The following ATP2B3 variants were observed in gnomAD, a reference collection of about 807,000 sequenced individuals.
The protein encoded by ATP2B3 is ATPase plasma membrane Ca2+ transporting 3, also known as plasma membrane calcium-transporting ATPase 3.
In ATP2B3, 12 loss-of-function variants were observed where a neutral mutation model predicts 70.8. The observed-to-expected ratio is 0.17, with a 90% CI of 0.11 to 0.27. The LOEUF (loss-of-function observed/expected upper bound fraction) is 0.27. ATP2B3 is among the 10% of genes least tolerant of loss of function. The pLI, the probability that ATP2B3 is intolerant of heterozygous loss-of-function variation, is 1.00. For missense variants in ATP2B3, 858 were observed against 1,118.5 expected, an observed-to-expected ratio of 0.77 and a Z score of 3.32; for synonymous variants, 460 against 497.8, an observed-to-expected ratio of 0.92 and a Z score of 1.01.
Position 153,542,500 on chromosome X carries a change from G to A in ATP2B3, c.790+52G>A, listed in dbSNP as rs782024260. ...GGCACCAAGGGGCGTCAGCAGCCGT[G>A]TGGCCCAGCATCCTGTCCAGGCTGC... On this transcript the variant is annotated intron_variant, in intron 6 of 21. Transcript: ENST00000263519. 1.4e-5 allele frequency: 17 copies of A among 1,190,858 alleles called. No homozygotes were observed. The African/African-American group carries it at 3.0e-4, about 21-fold the overall frequency.
rs189012896 is a variant in ATP2B3, at chrX:153,562,130, C to T, written c.3052-5C>T. The stretch of plus-strand genomic sequence containing the variant: ...ACCTGCCTCTCTCCCACTTGCCCTT[C>T]GCAGATTGTCATCGTCCAGTTTGGC... On this transcript the variant is annotated splice_region_variant and splice_polypyrimidine_tract_variant and intron_variant, in intron 19 of 21. Transcript: ENST00000263519. 6.4e-3 allele frequency: 7,746 copies of T among 1,208,335 alleles called. 80 individuals are homozygous for T. Among genetic ancestry groups the T allele is most frequent in the Admixed American group, 0.058 (2,647 of 45,990 alleles).
At chrX:153,518,062 C>T (rs2089902691) in intron 1 of ATP2B3, among the ~76,000 whole-genome samples, 187 bp downstream of exon 1, 2 of 111,001 alleles carry the variant, frequency 1.8e-5, no homozygotes, top group South Asian at 3.5e-4. Context: ...ACTGCGGCCG[C>T]GCGTCACCCC....
At chrX:153,572,137 G>T (rs1048519358) in intron 21 of ATP2B3, among the ~76,000 whole-genome samples, 7 of 113,080 alleles carry the variant, frequency 6.2e-5, no homozygotes, top group Non-Finnish European at 1.3e-4. Context: ...GCCAGGCCTG[G>T]CAGAGTGGGG....
At chrX:153,552,473 C>T (rs1449881530) in intron 12 of ATP2B3, among the ~76,000 whole-genome samples, 1 of 112,352 alleles carries the variant, frequency 8.9e-6, no homozygotes, top group African/African-American at 3.2e-5. Flanking sequence ...CCTCCCAAGT[C>T]CTGTCCCTTT....
At chrX:153,522,970 A>G (rs2089979544) in intron 2 of ATP2B3, among the ~76,000 whole-genome samples, 1 of 111,488 alleles carries the variant, frequency 9.0e-6, no homozygotes, top group Non-Finnish European at 1.9e-5. Context: ...AAACGTATAA[A>G]ACACAGAGAA....
intron 19 of ATP2B3, 121 bp downstream of exon 19, chrX:153,561,008 CA>C: frequency 1.2e-6 from 1 of 829,419 alleles, no homozygotes; most frequent in Non-Finnish European, 1.7e-6. Context: ...GAAGGAGCCC[CA>C]CCCCACCTGG....
At chrX:153,553,552 C>G (rs1369845909) in intron 13 of ATP2B3, among the ~76,000 whole-genome samples, 2 of 112,065 alleles carry the variant, frequency 1.8e-5, no homozygotes, top group African/African-American at 6.5e-5. Flanking sequence ...GGGATCTGAT[C>G]CACCCAGGAC....
At chrX:153,561,655 G>A (rs781959982) in intron 19 of ATP2B3, among the ~76,000 whole-genome samples, 11 of 112,275 alleles carry the variant, frequency 9.8e-5, no homozygotes, top group Non-Finnish European at 1.9e-4. Context: ...CTCCCTGGCT[G>A]TCTGGTACCT....
At chrX:153,556,584 A>G (rs1278860491) in intron 15 of ATP2B3, among the ~76,000 whole-genome samples, 166 bp downstream of exon 15, 1 of 112,096 alleles carries the variant, frequency 8.9e-6, no homozygotes, top group African/African-American at 3.2e-5. Flanking sequence ...TGAGGGAACC[A>G]GGGTTCGGGG....
At chrX:153,569,539 C>T in intron 21 of ATP2B3, 2 of 1,163,097 alleles carry the variant, frequency 1.7e-6, no homozygotes, top group Non-Finnish European at 2.3e-6. Context: ...TCGCCCAGCC[C>T]TCCCCTCCGT....
intron 3 of ATP2B3, among the ~76,000 whole-genome samples, chrX:153,540,155 C>T (rs1377530575): frequency 8.9e-6 from 1 of 112,610 alleles, no homozygotes; most frequent in African/African-American, 3.2e-5. Flanking sequence ...ACCTGGGCCA[C>T]AGGCCAGAGC....
intron 2 of ATP2B3, 126 bp from the exon 3 acceptor site, chrX:153,535,996 G>A: frequency 2.3e-6 from 1 of 427,011 alleles, no homozygotes; most frequent in Non-Finnish European, 4.1e-6. Flanking sequence ...AGCCTGGGAG[G>A]TGATTTCTGC....
In ATP2B3 at chrX:153,536,466, C is replaced by T; in HGVS notation, c.208+11C>T. On this transcript the variant is annotated intron_variant, in intron 3 of 21. Coordinates refer to ENST00000263519, the MANE Select transcript of ATP2B3 (RefSeq NM_001001344.3). Reference sequence around the variant, plus strand: ...CCTCACCCACAGAGGGTAAGTCCCTCTCAGGCTGCATGCCACCCAGCCCTG... The same window carrying T: ...CCTCACCCACAGAGGGTAAGTCCCTTTCAGGCTGCATGCCACCCAGCCCTG... 2.5e-6 allele frequency: 3 copies of T among 1,184,698 alleles called. No individual in the cohort carries two copies. Among genetic ancestry groups the T allele is most frequent in the Non-Finnish European group, 3.4e-6 (3 of 882,271 alleles).
At position 153,534,693 on chromosome X, in the gene ATP2B3, G is replaced by C. The variant is rs1318159232; in HGVS notation, c.-126-1429G>C. Among the ~76,000 whole-genome samples, 6 of 113,211 alleles carry C rather than the reference G, an allele frequency of 5.3e-5. No individual in the cohort carries two copies. In the East Asian group the frequency reaches 1.7e-3, roughly 31 times the overall value. ...AGGGCGGGGAGAGGTGGGGAGAGAG[G>C]ACGGCACAGGCACATGGCCATCATT... On this transcript the variant is annotated intron_variant, in intron 2 of 21. Coordinates refer to ENST00000263519, the MANE Select transcript of ATP2B3 (RefSeq NM_001001344.3).
At chrX:153,577,070 G>C (rs1314718783) in intron 21 of ATP2B3, among the ~76,000 whole-genome samples, 2 of 112,781 alleles carry the variant, frequency 1.8e-5, no homozygotes, top group African/African-American at 3.2e-5. Context: ...AGAATGTTGG[G>C]GGGCAGCCCT....
At chrX:153,574,985 A>G in intron 21 of ATP2B3, 1 of 281,030 alleles carries the variant, frequency 3.6e-6, no homozygotes, top group East Asian at 1.1e-4. Flanking sequence ...AGCACTCAGC[A>G]TGTCTCCTCT....
intron 7 of ATP2B3, among the ~76,000 whole-genome samples, chrX:153,545,285 C>T (rs781913663): frequency 8.8e-6 from 1 of 113,369 alleles, no homozygotes; most frequent in Admixed American, 9.2e-5. Context: ...TGCCGGGGCT[C>T]AGGCTGGCAC....
chrX:153,520,391 C>T (rs2089942668), intron 2 of ATP2B3, among the ~76,000 whole-genome samples: 1 of 112,461 alleles, frequency 8.9e-6, no homozygotes, highest in African/African-American at 3.2e-5. Context: ...TTTTCACCTC[C>T]TCCCCCACCT....
In ATP2B3 at chrX:153,547,981, G is replaced by C; in HGVS notation, c.1105G>C (p.Val369Leu). 2 of 1,205,510 alleles carry C rather than the reference G, an allele frequency of 1.7e-6. No homozygotes were observed. The highest frequency in any genetic ancestry group is 2.2e-6 in the Non-Finnish European group (2 of 891,931). Reference protein sequence around the residue: ...VLQGKLTKLAVQIGKAGLVMS... With the variant: ...VLQGKLTKLALQIGKAGLVMS... ...TCAGGGGAAGCTCACAAAGCTAGCC[G>C]TGCAGATCGGGAAAGCAGGTAGGGA... The change falls in exon 9 of 22, where the codon GTG (valine) becomes CTG (leucine). Residue 369 changes from valine to leucine, a missense_variant. This residue lies in a region of ATP2B3 where 278 missense variants were observed against 366.2 expected (regional missense o/e 0.76). Coordinates refer to ENST00000263519, the MANE Select transcript of ATP2B3 (RefSeq NM_001001344.3).
Sources: gnomAD v4.1 joint callset for allele counts (sites outside exome capture counted in the v4.1 genomes callset) on GRCh38, gnomAD v4.1.1 for gene constraint, gnomAD v4.1.1 regional missense constraint, MANE v1.5 for transcripts, NCBI Gene and HGNC (gene_info 2026-07-23, HGNC 2026-07-21) for gene names.